ATP2B4: variants seen among roughly 807,000 people sequenced by gnomAD.
The protein encoded by ATP2B4 is ATPase plasma membrane Ca2+ transporting 4.
In ATP2B4, 39 loss-of-function variants were observed where a neutral mutation model predicts 110.3. The observed-to-expected ratio is 0.35, with a 90% confidence interval of 0.27 to 0.46. The LOEUF (loss-of-function observed/expected upper bound fraction) is 0.46. Among genes scored for constraint, ATP2B4 ranks in the 20% least tolerant of loss-of-function variants. ATP2B4 has a pLI of 1.00. For missense variants in ATP2B4, 1,135 were observed against 1,530.9 expected (o/e 0.74, Z 4.32); for synonymous variants, 538 against 571.7 (o/e 0.94, Z 0.84).
At chr1:203,688,290 TTTG>T (rs968605981) in intron 2 of ATP2B4, among the ~76,000 whole-genome samples, 2 of 150,754 alleles carry the variant, frequency 1.3e-5, no homozygotes, top group Non-Finnish European at 3.0e-5. Flanking sequence ...CCAATGTTTT[TTTG>T]TTGTTGTTTT....
intron 1 of ATP2B4, among the ~76,000 whole-genome samples, chr1:203,663,660 A>G (rs1453515062): frequency 6.6e-6 from 1 of 150,618 alleles, no homozygotes; most frequent in African/African-American, 2.5e-5. Flanking sequence ...GCTAGAGTGC[A>G]GTGGTGTGAT....
At chr1:203,682,261 G>A (rs1665037885) in intron 1 of ATP2B4, among the ~76,000 whole-genome samples, 2 of 152,170 alleles carry the variant, frequency 1.3e-5, no homozygotes, top group South Asian at 2.1e-4. Flanking sequence ...AGTGGGAAGA[G>A]TGTGGGTTGT....
chr1:203,696,981 A>G (rs2102381004), intron 2 of ATP2B4, among the ~76,000 whole-genome samples: 1 of 152,296 alleles, frequency 6.6e-6, no homozygotes, highest in African/African-American at 2.4e-5. Context: ...GATGCTGCTA[A>G]TCAAGTACTG....
intron 15 of ATP2B4, among the ~76,000 whole-genome samples, chr1:203,714,860 C>A (rs1164786251): frequency 1.3e-5 from 2 of 152,088 alleles, no homozygotes; most frequent in East Asian, 3.8e-4. Context: ...ACAGATTGAA[C>A]TGTTGGTGAT....
intron 20 of ATP2B4, chr1:203,733,573 T>C: frequency 1.8e-6 from 1 of 562,652 alleles, no homozygotes; most frequent in Non-Finnish European, 3.0e-6. Flanking sequence ...TGTGTGCCCT[T>C]GTATTTTATT....
chr1:203,692,947 C>A (rs1665428756), intron 2 of ATP2B4, among the ~76,000 whole-genome samples: 1 of 152,206 alleles, frequency 6.6e-6, no homozygotes, highest in Non-Finnish European at 1.5e-5. Flanking sequence ...CTCATGTGTT[C>A]AGTCTGGTTC....
At chr1:203,632,487 G>C (rs976706870) in intron 1 of ATP2B4, among the ~76,000 whole-genome samples, 30 of 151,938 alleles carry the variant, frequency 2.0e-4, no homozygotes, top group African/African-American at 7.0e-4. Flanking sequence ...GGGACTACAG[G>C]CGCCTGCCAC....
chr1:203,652,074 A>G (rs1664014942), intron 1 of ATP2B4, among the ~76,000 whole-genome samples: 1 of 148,542 alleles, frequency 6.7e-6, no homozygotes, highest in Non-Finnish European at 1.5e-5. Flanking sequence ...AAAAAGCAAA[A>G]CAAAACCCTT....
rs1375861302 is a variant in ATP2B4 at position 203,727,459 on chromosome 1, A to G, written c.3197A>G (p.Lys1066Arg). 5 of 1,614,204 alleles carry G rather than the reference A, an allele frequency of 3.1e-6. No homozygotes were observed. Among genetic ancestry groups the G allele is most frequent in the Non-Finnish European group, 3.4e-6 (4 of 1,180,018 alleles). Residue 1066 changes from lysine (K) to arginine (R), a missense_variant, in exon 20 of 21, where the codon AAA becomes AGA. Transcript: ENST00000357681. Reference sequence around the variant, plus strand: ...AAGGAGGCTGGGCATGGCACCACCAAAGAGGAGATCACCAAGGATGCCGAG... The same window carrying G: ...AAGGAGGCTGGGCATGGCACCACCAGAGAGGAGATCACCAAGGATGCCGAG... ...FLKEAGHGTT[K>R]EEITKDAEGL...
At chr1:203,677,915 G>T (rs998924174) in intron 1 of ATP2B4, among the ~76,000 whole-genome samples, 1 of 152,198 alleles carries the variant, frequency 6.6e-6, no homozygotes, top group Non-Finnish European at 1.5e-5. Context: ...CTACCGGCTT[G>T]CTCCTGAGCA....
At chr1:203,658,689 T>A (rs1664239610) in intron 1 of ATP2B4, among the ~76,000 whole-genome samples, 1 of 152,144 alleles carries the variant, frequency 6.6e-6, no homozygotes, top group Admixed American at 6.5e-5. Flanking sequence ...ATAATTTAAA[T>A]CCTCAGTAAC....
rs760000683 is a variant in ATP2B4, at chr1:203,738,096, A to AC, written c.3310-1445dup. On this transcript the variant is annotated intron_variant, in intron 20 of 20. Coordinates refer to ENST00000357681, the MANE Select transcript of ATP2B4 (RefSeq NM_001684.5). ...AGCAGAGGAATGAAAGAGGTACCCT[A>AC]CCCCCACCTTCATCACTCCTACCCC... 4.0e-5 allele frequency among the ~76,000 whole-genome samples: 6 copies of AC among 151,864 alleles called. No homozygotes were observed. The East Asian group carries it at 1.2e-3, about 29-fold the overall frequency.
At chr1:203,735,708 G>C (rs944711854) in intron 20 of ATP2B4, among the ~76,000 whole-genome samples, 1 of 152,166 alleles carries the variant, frequency 6.6e-6, no homozygotes. Flanking sequence ...ACTAAGTCTT[G>C]CCCTGCAAGT....
intron 1 of ATP2B4, among the ~76,000 whole-genome samples, chr1:203,670,951 T>C (rs1175993336): frequency 6.6e-6 from 1 of 152,192 alleles, no homozygotes; most frequent in East Asian, 1.9e-4. Flanking sequence ...TCATATGAGA[T>C]GGGAGGAAAT....
At chr1:203,652,621 T>A (rs1664033183) in intron 1 of ATP2B4, among the ~76,000 whole-genome samples, 2 of 152,204 alleles carry the variant, frequency 1.3e-5, no homozygotes, top group Admixed American at 1.3e-4. Context: ...ATGTGCTCAT[T>A]TCATGTCTCT....
At chr1:203,708,545 C>T (rs2102397349) in intron 10 of ATP2B4, among the ~76,000 whole-genome samples, 1 of 152,284 alleles carries the variant, frequency 6.6e-6, no homozygotes, top group African/African-American at 2.4e-5. Context: ...TTACCACTGA[C>T]CCCTCTCTGC....
chr1:203,630,377 T>C (rs1327889544), intron 1 of ATP2B4, among the ~76,000 whole-genome samples: 1 of 150,624 alleles, frequency 6.6e-6, no homozygotes, highest in Non-Finnish European at 1.5e-5. Context: ...CTCTTTTTTT[T>C]TTTTTTTTTT....
At chr1:203,653,450 T>C (rs911316697) in intron 1 of ATP2B4, among the ~76,000 whole-genome samples, 11 of 152,204 alleles carry the variant, frequency 7.2e-5, no homozygotes, top group Non-Finnish European at 1.3e-4. Context: ...GATTTTAATG[T>C]AGGCAAAACA....
At chr1:203,635,376 C>G (rs376518739) in intron 1 of ATP2B4, among the ~76,000 whole-genome samples, 1 of 152,200 alleles carries the variant, frequency 6.6e-6, no homozygotes, top group Non-Finnish European at 1.5e-5. Flanking sequence ...TCAAGCAATC[C>G]TCCGACCTCA....
Sources: gnomAD v4.1 joint callset for allele counts (sites outside exome capture counted in the v4.1 genomes callset) on GRCh38, gnomAD v4.1.1 for gene constraint, MANE v1.5 for transcripts, NCBI Gene and HGNC (gene_info 2026-07-23, HGNC 2026-07-21) for gene names.